The following SIPA1 variants were observed in gnomAD, a reference collection of about 807,000 sequenced individuals.
The protein encoded by SIPA1 is signal-induced proliferation-associated protein 1.
In SIPA1, 51 loss-of-function variants were observed where a neutral mutation model predicts 88.1. The observed-to-expected ratio is 0.58, with a 90% CI of 0.46 to 0.73. SIPA1 has a LOEUF of 0.73. SIPA1 is among the 30% of genes least tolerant of loss of function. The pLI is 0.00. For synonymous variants in SIPA1, 681 were observed against 664.8 expected (o/e 1.02, Z -0.37); for missense variants, 1,348 against 1,467.6 (o/e 0.92, Z 1.33).
intron 1 of SIPA1, among the ~76,000 whole-genome samples, chr11:65,639,449 G>T (rs1289457102): frequency 2.0e-5 from 3 of 152,192 alleles, no homozygotes; most frequent in Non-Finnish European, 4.4e-5. Flanking sequence ...GAGGCTCAAG[G>T]TCAGCATGGG....
chr11:65,642,482 C>G lies in SIPA1; in HGVS notation c.827C>G (p.Thr276Ser). ...CCTCAGCTCCGGACACTCCGTGGCA[C>G]CATCTCGGAGGACGCGCTGCCGCCG... is the stretch of plus-strand genomic sequence containing the variant. ...RTTQLRTLRGTISEDALPPGP... is the reference protein window; with the variant it reads ...RTTQLRTLRGSISEDALPPGP... The change falls in exon 4 of 16, where the codon ACC (threonine) becomes AGC (serine). Residue 276 changes from threonine (T) to serine (S), a missense_variant. This residue lies in a region of SIPA1 where 641 missense variants were observed against 797.7 expected (regional missense o/e 0.80). Transcript: ENST00000534313. The surrounding 1 kb of genome is among the most constrained non-coding windows in gnomAD (Gnocchi z 6.5). 1 of 1,611,810 alleles carries G rather than the reference C, an allele frequency of 6.2e-7. No individual in the cohort carries two copies. Among genetic ancestry groups the G allele is most frequent in the Non-Finnish European group, 8.5e-7 (1 of 1,179,626 alleles).
At position 65,649,652 on chromosome 11, in the gene SIPA1, A is replaced by G. The variant is rs1449020326; in HGVS notation, c.2617A>G (p.Ser873Gly). Residue 873 changes from serine to glycine, a missense_variant, in exon 11 of 16, where the codon AGT (serine) becomes GGT (glycine). Around this residue, in one of 4 missense-constraint regions of SIPA1, gnomAD observed 615 missense variants for 559.8 expected, o/e 1.10. Coordinates refer to ENST00000534313, the MANE Select transcript of SIPA1 (RefSeq NM_006747.4). ...CAAGCCATCAGTACCCAGTGCTGAC[A>G]GTGAGACACCCCTGACCCAGGTGAG... ...TAKPSVPSAD[S>G]ETPLTQDRPG... The G allele has an allele frequency of 7.4e-6, 12 of 1,614,096 alleles. No individual in the cohort carries two copies. Among genetic ancestry groups the G allele is most frequent in the Non-Finnish European group, 9.3e-6 (11 of 1,180,030 alleles).
chr11:65,641,474 G>T lies in SIPA1; in HGVS notation c.553G>T (p.Val185Leu), dbSNP rs1185558484. The stretch of plus-strand genomic sequence containing the variant: ...CCTGGGTGGACCAGCATCCCCACCT[G>T]TGCCCCCTGCACTGCCCAACGCGGC... ...LGLGGPASPP[V>L]PPALPNAAVS... Residue 185 changes from valine to leucine, a missense_variant, in exon 2 of 16, where the codon GTG becomes TTG. This residue lies in a region of SIPA1 where 641 missense variants were observed against 797.7 expected (regional missense o/e 0.80). Coordinates refer to ENST00000534313, the MANE Select transcript of SIPA1 (RefSeq NM_006747.4). 5 of 1,612,138 alleles carry T rather than the reference G, an allele frequency of 3.1e-6. No individual in the cohort carries two copies. The highest frequency in any genetic ancestry group is 4.2e-6 in the Non-Finnish European group (5 of 1,180,018).
chr11:65,645,629 C>T (rs1252197040), intron 5 of SIPA1, among the ~76,000 whole-genome samples: 4 of 152,134 alleles, frequency 2.6e-5, no homozygotes, highest in African/African-American at 9.7e-5. Flanking sequence ...ATCCTGACCC[C>T]CCTTCACTCT....
At chr11:65,649,136 AC>A in intron 9 of SIPA1, 125 bp from the exon 10 acceptor site, 1 of 668,704 alleles carries the variant, frequency 1.5e-6, no homozygotes, top group Non-Finnish European at 2.5e-6. Flanking sequence ...GACATTTTTC[AC>A]TGTTGTCAGG....
Position 65,650,066 on chromosome 11 carries a change from G to C in SIPA1, c.2848+15G>C, listed in dbSNP as rs763418616. 53 of 1,613,226 alleles carry C rather than the reference G, an allele frequency of 3.3e-5. No homozygotes were observed. The Admixed American group carries it at 8.8e-4, about 27-fold the overall frequency. Reference sequence around the variant, plus strand: ...GTCCCGAGAGGGTGAGGCCACCAGGGTGCTGCGGTAAGCCTGGGCAGTGCT... The same window carrying C: ...GTCCCGAGAGGGTGAGGCCACCAGGCTGCTGCGGTAAGCCTGGGCAGTGCT... On this transcript the variant is annotated intron_variant, in intron 13 of 15. Coordinates refer to ENST00000534313, the MANE Select transcript of SIPA1 (RefSeq NM_006747.4).
Position 65,642,532 on chromosome 11 carries a change from A to G in SIPA1, c.877A>G (p.Arg293Gly). The part of the protein sequence containing the change: ...PPGPPRGLSP[R>G]KLLEHVAPQL... ...GGGGCCCCCACGGGGTCTGTCCCCA[A>G]GGAAACTTCTGGAGCACGTGGCGCC... Residue 293 changes from arginine (R) to glycine (G), a missense_variant, in exon 4 of 16, where the codon AGG becomes GGG. Arg to Gly is a moderately radical substitution (Grantham distance 125). Around this residue, in one of 4 missense-constraint regions of SIPA1, gnomAD observed 641 missense variants for 797.7 expected, o/e 0.80. Coordinates refer to ENST00000534313, the MANE Select transcript of SIPA1 (RefSeq NM_006747.4). This position sits in a 1 kb window ranked among gnomAD's most constrained non-coding sequence, Gnocchi z 6.5. 2.5e-6 allele frequency: 4 copies of G among 1,608,432 alleles called. No homozygotes were observed. The highest frequency in any genetic ancestry group is 2.2e-5 in the South Asian group (2 of 90,748).
chr11:65,647,129 C>T, intron 8 of SIPA1, 64 bp downstream of exon 8: 1 of 1,425,326 alleles, frequency 7.0e-7, no homozygotes, highest in Non-Finnish European at 9.2e-7. Context: ...TTGGACCCCT[C>T]CCTCCCGCCG....
rs1856002900 is a variant in SIPA1, at chr11:65,641,470, A to G, written c.549A>G (p.Pro183=). 1.2e-6 allele frequency: 2 copies of G among 1,611,978 alleles called. No individual in the cohort carries two copies. The highest frequency in any genetic ancestry group is 1.1e-5 in the South Asian group (1 of 91,072). ...TAGGCCTGGGTGGACCAGCATCCCC[A>G]CCTGTGCCCCCTGCACTGCCCAACG... ...GELGLGGPAS[P]PVPPALPNAA... is the part of the protein sequence containing the mutation. Residue 183 remains proline, a synonymous_variant, in exon 2 of 16, where the codon CCA becomes CCG. Coordinates refer to ENST00000534313, the MANE Select transcript of SIPA1 (RefSeq NM_006747.4).
At position 65,642,468 on chromosome 11, in the gene SIPA1, G is replaced by A. The variant is rs371973588; in HGVS notation, c.813G>A (p.Arg271=). The A allele has an allele frequency of 8.7e-6, 14 of 1,611,524 alleles. No individual in the cohort carries two copies. The highest frequency in any genetic ancestry group is 3.3e-4 in the Middle Eastern group (2 of 6,078). Residue 271 remains arginine (R), a synonymous_variant, in exon 4 of 16, where the codon CGG becomes CGA. Coordinates refer to ENST00000534313, the MANE Select transcript of SIPA1 (RefSeq NM_006747.4). The surrounding 1 kb of genome is among the most constrained non-coding windows in gnomAD (Gnocchi z 6.5). ...YRVIVRTTQL[R]TLRGTISEDA... ...CCCTTACACCCCTTCCTCAGCTCCG[G>A]ACACTCCGTGGCACCATCTCGGAGG...
intron 4 of SIPA1, among the ~76,000 whole-genome samples, chr11:65,644,392 TG>T (rs1294539414): frequency 7.6e-6 from 1 of 131,308 alleles, no homozygotes; most frequent in Non-Finnish European, 1.6e-5. Flanking sequence ...ATATGGGGAG[TG>T]GGGGGTGCAG....
chr11:65,642,563 T>A lies in SIPA1; in HGVS notation c.908T>A (p.Leu303Gln). ...RKLLEHVAPQ[L>Q]SPSCLRLGSA... is the part of the protein sequence containing the mutation. ...CTTCTGGAGCACGTGGCGCCGCAGC[T>A]GAGCCCCAGCTGCCTGCGCCTGGGC... Residue 303 changes from leucine to glutamine, a missense_variant, in exon 4 of 16, where the codon CTG (leucine) becomes CAG (glutamine). This residue lies in a region of SIPA1 where 641 missense variants were observed against 797.7 expected (regional missense o/e 0.80). Transcript: ENST00000534313. This position sits in a 1 kb window ranked among gnomAD's most constrained non-coding sequence, Gnocchi z 6.5. The A allele has an allele frequency of 2.5e-6, 4 of 1,601,616 alleles. No homozygotes were observed. Among genetic ancestry groups the A allele is most frequent in the Non-Finnish European group, 3.4e-6 (4 of 1,178,106 alleles).
In SIPA1 at chr11:65,647,393, C is replaced by T. The variant is rs750585645; in HGVS notation, c.2041C>T (p.Arg681Cys). The part of the protein sequence containing the change: ...EVVARLQLVS[R>C]GCETRELALP... Reference sequence around the variant, plus strand: ...CCCGCCCCGTCCGCAGCTGGTGAGCCGTGGCTGCGAGACCCGCGAGCTGGC... The same window carrying T: ...CCCGCCCCGTCCGCAGCTGGTGAGCTGTGGCTGCGAGACCCGCGAGCTGGC... The change falls in exon 9 of 16, where the codon CGT (arginine) becomes TGT (cysteine). Residue 681 changes from arginine (R) to cysteine (C), a missense_variant. By Grantham distance (180) the Arg-to-Cys change is radical (BLOSUM62 -3). Coordinates refer to ENST00000534313, the MANE Select transcript of SIPA1 (RefSeq NM_006747.4). The T allele has an allele frequency of 5.5e-6, 8 of 1,451,260 alleles. No individual in the cohort carries two copies. The highest frequency in any genetic ancestry group is 4.0e-5 in the South Asian group (3 of 75,820). 89.9% of individuals were successfully genotyped at this position (1,451,260 alleles called of 1,614,324 possible). A position where few individuals can be genotyped will look rare whatever the true frequency, so the allele number is the denominator to read the frequency against.
chr11:65,641,023 C>T lies in SIPA1; in HGVS notation c.102C>T (p.Pro34=). 3.1e-6 allele frequency: 5 copies of T among 1,591,274 alleles called. No individual in the cohort carries two copies. Among genetic ancestry groups the T allele is most frequent in the Non-Finnish European group, 4.3e-6 (5 of 1,173,482 alleles). ...GCAAGCTGCGCCAGCCAGCAAGGCC[C>T]CCGCTGACACCGCACACCTTCGAGC... ...FARKLRQPAR[P]PLTPHTFEPR... The change falls in exon 2 of 16, where the codon CCC becomes CCT. Residue 34 remains proline, a synonymous_variant. Coordinates refer to ENST00000534313, the MANE Select transcript of SIPA1 (RefSeq NM_006747.4).
At position 65,646,475 on chromosome 11, in the gene SIPA1, C is replaced by T. The variant is rs1486916775; in HGVS notation, c.1441C>T (p.Gln481Ter). 6.3e-7 allele frequency: 1 copy of T among 1,584,122 alleles called. No individual in the cohort carries two copies. The highest frequency in any genetic ancestry group is 8.5e-7 in the Non-Finnish European group (1 of 1,170,920). ...CCGCAGGGTGGCCGTGAGCCGCACC[C>T]AGGACACCCCTGCCTTCGGGCCAGC... ...TTYRVAVSRT[Q>*]DTPAFGPALP... is the part of the protein sequence containing the mutation. Residue 481 changes from glutamine (Q) to a stop codon, truncating the protein, a stop_gained, in exon 8 of 16, where the codon CAG becomes TAG. Transcript: ENST00000534313. LOFTEE classifies it high-confidence loss of function. This position sits in a 1 kb window ranked among gnomAD's most constrained non-coding sequence, Gnocchi z 7.5.
chr11:65,647,558 C>T lies in SIPA1; in HGVS notation c.2206C>T (p.Leu736=). 1 of 1,326,584 alleles carries T rather than the reference C, an allele frequency of 7.5e-7. No homozygotes were observed. The highest frequency in any genetic ancestry group is 9.6e-7 in the Non-Finnish European group (1 of 1,040,372). The allele number at this position is 1,326,584 out of a possible 1,614,324, so 82.2% of individuals were successfully genotyped here. A position where few individuals can be genotyped will look rare whatever the true frequency, so the allele number is the denominator to read the frequency against. The change falls in exon 9 of 16, where the codon CTG becomes TTG. Residue 736 remains leucine, a synonymous_variant. Coordinates refer to ENST00000534313, the MANE Select transcript of SIPA1 (RefSeq NM_006747.4). Reference sequence around the variant, plus strand: ...CCTCCTGCGCGTGTGCGGCCAGACTCTGCCCAGCCTCCGGCCCGAGGCCGC... The same window carrying T: ...CCTCCTGCGCGTGTGCGGCCAGACTTTGCCCAGCCTCCGGCCCGAGGCCGC... The part of the protein sequence containing the change: ...ARLLRVCGQT[L]PSLRPEAAAQ...
rs770146797 is a variant in SIPA1, at chr11:65,642,507, G to C, written c.852G>C (p.Pro284=). 1 of 1,609,896 alleles carries C rather than the reference G, an allele frequency of 6.2e-7. No homozygotes were observed. The highest frequency in any genetic ancestry group is 8.5e-7 in the Non-Finnish European group (1 of 1,179,328). ...RGTISEDALP[P]GPPRGLSPRK... ...CCATCTCGGAGGACGCGCTGCCGCC[G>C]GGGCCCCCACGGGGTCTGTCCCCAA... Residue 284 remains proline, a synonymous_variant, in exon 4 of 16, where the codon CCG becomes CCC. Transcript: ENST00000534313. This position sits in a 1 kb window ranked among gnomAD's most constrained non-coding sequence, Gnocchi z 6.5.
chr11:65,642,753 C>T lies in SIPA1; in HGVS notation c.984+114C>T. 3 of 1,045,290 alleles carry T rather than the reference C, an allele frequency of 2.9e-6. No individual in the cohort carries two copies. Among genetic ancestry groups the T allele is most frequent in the Admixed American group, 3.2e-5 (1 of 31,050 alleles). The allele number at this position is 1,045,290 out of a possible 1,614,324, so 64.8% of individuals were successfully genotyped here. On this transcript the variant is annotated intron_variant, in intron 4 of 15. Transcript: ENST00000534313. The surrounding 1 kb of genome is among the most constrained non-coding windows in gnomAD (Gnocchi z 6.5). ...CTGATCCTGGGCTGGGTGGTGACCC[C>T]AGAAGAGCTGGCTTTTCAGAGACAG... is the stretch of plus-strand genomic sequence containing the variant.
Position 65,649,792 on chromosome 11 carries a change from G to T in SIPA1, c.2673G>T (p.Lys891Asn). The T allele has an allele frequency of 6.2e-7, 1 of 1,614,064 alleles. No individual in the cohort carries two copies. Reference sequence around the variant, plus strand: ...GCAGTCCCAGTGGCTCTGAGGACAAGGGCAACCCGGCGCCGGAGCTGAGGG... The same window carrying T: ...GCAGTCCCAGTGGCTCTGAGGACAATGGCAACCCGGCGCCGGAGCTGAGGG... ...RPGSPSGSED[K>N]GNPAPELRAS... The change falls in exon 12 of 16, where the codon AAG becomes AAT. Residue 891 changes from lysine (K) to asparagine (N), a missense_variant. Around this residue, in one of 4 missense-constraint regions of SIPA1, gnomAD observed 615 missense variants for 559.8 expected, o/e 1.10. Coordinates refer to ENST00000534313, the MANE Select transcript of SIPA1 (RefSeq NM_006747.4).
Sources: allele counts gnomAD v4.1 joint callset (sites outside exome capture counted in the v4.1 genomes callset), GRCh38; gene constraint gnomAD v4.1.1; regional missense constraint gnomAD v4.1.1; non-coding constraint Gnocchi (gnomAD v3.1); transcripts MANE v1.5; gene names NCBI Gene and HGNC (gene_info 2026-07-23, HGNC 2026-07-21).